Variants in METTL15 observed in about 807,000 individuals in gnomAD.
METTL15 encodes the protein 12S rRNA N(4)-cytidine methyltransferase METTL15.
A neutral mutation model predicts 38.3 loss-of-function variants in METTL15; 34 were observed. The ratio of observed to expected loss-of-function variants is 0.89; its 90% CI spans 0.68 to 1.18. METTL15 has a LOEUF of 1.18. Among genes scored for constraint, METTL15 ranks in the 50% most tolerant of loss-of-function variants. The pLI is 0.00. For missense variants in METTL15, 438 were observed against 498.4 expected (o/e 0.88, Z 1.15); for synonymous variants, 162 against 170.9 (o/e 0.95, Z 0.41).
chr11:28,508,435 C>G (rs551612042), intron 6 of METTL15, among the ~76,000 whole-genome samples: 1 of 152,296 alleles, frequency 6.6e-6, no homozygotes, highest in South Asian at 2.1e-4. Context: ...AATTTATCAA[C>G]ACCATCACTA....
At chr11:28,200,165 A>C (rs1852057091) in intron 3 of METTL15, among the ~76,000 whole-genome samples, 1 of 152,170 alleles carries the variant, frequency 6.6e-6, no homozygotes, top group South Asian at 2.1e-4. Context: ...TACTTCTGTG[A>C]AAAAGCAAAG....
chr11:28,412,485 A>G (rs1294432921), intron 5 of METTL15, among the ~76,000 whole-genome samples: 1 of 152,004 alleles, frequency 6.6e-6, no homozygotes, highest in Non-Finnish European at 1.5e-5. Flanking sequence ...TTATGGTGAT[A>G]TATAATTAAG....
chr11:28,426,592 T>TTG (rs1554923973), intron 6 of METTL15, among the ~76,000 whole-genome samples: 69 of 142,934 alleles, frequency 4.8e-4, no homozygotes, highest in African/African-American at 6.1e-4. Context: ...CTGTTTTTTT[T>TTG]TTTTTTTTTT....
At chr11:28,365,021 A>G (rs1458459170) in intron 5 of METTL15, among the ~76,000 whole-genome samples, 1 of 152,180 alleles carries the variant, frequency 6.6e-6, no homozygotes, top group Non-Finnish European at 1.5e-5. Context: ...TCCCAGAAAT[A>G]AAGCCTACTT....
At chr11:28,298,692 T>G (rs1856819138) in intron 6 of METTL15, among the ~76,000 whole-genome samples, 1 of 152,092 alleles carries the variant, frequency 6.6e-6, no homozygotes, top group African/African-American at 2.4e-5. Context: ...ACAGTAAAAG[T>G]GAAAATATTC....
intron 3 of METTL15, among the ~76,000 whole-genome samples, chr11:28,171,809 A>G (rs1269148917): frequency 7.7e-5 from 11 of 142,368 alleles, no homozygotes; most frequent in Admixed American, 1.4e-4. Context: ...TTCTTTTTTT[A>G]GGGACAGGGT....
chr11:28,299,577 G>T (rs550152282), intron 6 of METTL15, among the ~76,000 whole-genome samples: 1 of 152,198 alleles, frequency 6.6e-6, no homozygotes, highest in Non-Finnish European at 1.5e-5. Flanking sequence ...AGAATCCAAA[G>T]AATAGAATCC....
chr11:28,238,036 G>A (rs955029832), intron 4 of METTL15, among the ~76,000 whole-genome samples: 2 of 152,198 alleles, frequency 1.3e-5, no homozygotes, highest in Admixed American at 1.3e-4. Context: ...TCCCAGTTAG[G>A]CTGCTCGGGG....
intron 6 of METTL15, among the ~76,000 whole-genome samples, chr11:28,521,020 T>A (rs1290620104): frequency 6.6e-6 from 1 of 152,234 alleles, no homozygotes; most frequent in Non-Finnish European, 1.5e-5. Flanking sequence ...AACTTCTTTT[T>A]TTTTTTTTAA....
At chr11:28,148,230 A>T (rs1849956970) in intron 3 of METTL15, among the ~76,000 whole-genome samples, 1 of 151,972 alleles carries the variant, frequency 6.6e-6, no homozygotes, top group Admixed American at 6.6e-5. Flanking sequence ...CAGAGAATTA[A>T]TGTTCATGTA....
chr11:28,347,981 C>A (rs1850009864), intron 3 of METTL15, among the ~76,000 whole-genome samples: 1 of 152,136 alleles, frequency 6.6e-6, no homozygotes, highest in South Asian at 2.1e-4. Flanking sequence ...CATGACTAGA[C>A]CCAGGTTATG....
chr11:28,460,608 A>G (rs1851206250), intron 6 of METTL15, among the ~76,000 whole-genome samples: 1 of 152,120 alleles, frequency 6.6e-6, no homozygotes. Context: ...TATCTACTAT[A>G]TATTGGGAAC....
chr11:28,187,475 A>C (rs1422438276), intron 3 of METTL15, among the ~76,000 whole-genome samples: 1 of 150,500 alleles, frequency 6.6e-6, no homozygotes, highest in African/African-American at 2.4e-5. Context: ...GAAAAGGGGA[A>C]AGCGTATTGG....
At chr11:28,261,766 G>T (rs961407919) in intron 4 of METTL15, among the ~76,000 whole-genome samples, 1 of 152,054 alleles carries the variant, frequency 6.6e-6, no homozygotes, top group African/African-American at 2.4e-5. Context: ...CCATTTCTCT[G>T]ATACACTGAA....
chr11:28,332,757 C>A lies in METTL15; in HGVS notation c.*1916C>A, dbSNP rs1351063191. The A allele has an allele frequency of 6.6e-6, 1 of 151,778 alleles. No individual in the cohort carries two copies. Among genetic ancestry groups the A allele is most frequent in the Non-Finnish European group, 1.5e-5 (1 of 68,078 alleles). The allele number at this position is 151,778 out of a possible 1,614,324, so 9.4% of individuals were successfully genotyped here. On this transcript the variant is annotated 3_prime_UTR_variant, in exon 7 of 7. Coordinates refer to ENST00000407364, the MANE Select transcript of METTL15 (RefSeq NM_001113528.2). ...TCGCTTGAGGCTGAGGAGTTCAAGA[C>A]CAGCCTGGCCAACATGGCGAAAACC...
At chr11:28,301,097 T>C (rs73438524) in intron 6 of METTL15, among the ~76,000 whole-genome samples, 19,527 of 152,146 alleles carry the variant, frequency 0.13, 1,554 homozygotes, top group East Asian at 0.29. Context: ...TTACATGGTT[T>C]GCAACTTCCT....
intron 3 of METTL15, among the ~76,000 whole-genome samples, chr11:28,209,109 A>G (rs902785672): frequency 3.3e-5 from 5 of 152,022 alleles, no homozygotes; most frequent in Non-Finnish European, 7.4e-5. Flanking sequence ...AAAAATAATC[A>G]TGTAAATTAT....
chr11:28,216,623 A>T (rs942042774), intron 4 of METTL15, among the ~76,000 whole-genome samples: 7 of 152,036 alleles, frequency 4.6e-5, no homozygotes, highest in Non-Finnish European at 1.0e-4. Flanking sequence ...CAGATTTATT[A>T]CATATGTATA....
chr11:28,287,047 G>T (rs986385866), intron 4 of METTL15, among the ~76,000 whole-genome samples: 2 of 148,196 alleles, frequency 1.3e-5, no homozygotes, highest in South Asian at 2.2e-4. Context: ...CTATATATAT[G>T]TACATATATA....
Sources: allele counts gnomAD v4.1 joint callset (sites outside exome capture counted in the v4.1 genomes callset), GRCh38; gene constraint gnomAD v4.1.1; transcripts MANE v1.5; gene names NCBI Gene and HGNC (gene_info 2026-07-23, HGNC 2026-07-21).